The following TMEM106B variants were observed in gnomAD, a reference collection of about 807,000 sequenced individuals.
TMEM106B encodes transmembrane protein 106B.
TMEM106B carries 15 observed loss-of-function variants against 31.1 expected under a neutral mutation model. That is an observed-to-expected ratio of 0.48 (90% confidence interval 0.32 to 0.74). The LOEUF (loss-of-function observed/expected upper bound fraction) is 0.74, where lower values mean the gene tolerates loss of function less well. TMEM106B is among the 30% of genes least tolerant of loss of function. The pLI is 0.03. For synonymous variants in TMEM106B, 126 were observed against 112.5 expected (o/e 1.12, Z -0.76); for missense variants, 283 against 327.3 (o/e 0.86, Z 1.04).
chr7:12,215,390 T>C (rs1450831082), intron 2 of TMEM106B, among the ~76,000 whole-genome samples: 2 of 151,362 alleles, frequency 1.3e-5, no homozygotes, highest in Non-Finnish European at 1.5e-5. Context: ...ATTTAAGTAA[T>C]TTGTTGACCT....
chr7:12,217,218 A>G (rs151043717), intron 2 of TMEM106B, among the ~76,000 whole-genome samples: 24 of 152,290 alleles, frequency 1.6e-4, no homozygotes, highest in African/African-American at 5.5e-4. Context: ...GTAAGTTATA[A>G]GCACAGGTGG....
At chr7:12,214,559 G>A (rs541016309) in intron 1 of TMEM106B, among the ~76,000 whole-genome samples, 7 of 152,302 alleles carry the variant, frequency 4.6e-5, no homozygotes, top group African/African-American at 1.4e-4. Flanking sequence ...GCCTCTGCCT[G>A]TAATTTCTGT....
chr7:12,224,145 G>A, intron 3 of TMEM106B, 81 bp from the exon 4 acceptor site: 2 of 1,312,802 alleles, frequency 1.5e-6, no homozygotes, highest in South Asian at 1.3e-5. Context: ...ATATATGGGG[G>A]AAATTGAACA....
At chr7:12,225,508 C>A (rs1781883082) in intron 4 of TMEM106B, among the ~76,000 whole-genome samples, 1 of 152,222 alleles carries the variant, frequency 6.6e-6, no homozygotes, top group African/African-American at 2.4e-5. Flanking sequence ...GTTCCTATTT[C>A]TCCACATCCT....
chr7:12,235,534 A>G lies in TMEM106B; in HGVS notation c.*3559A>G, dbSNP rs1249271223. The stretch of plus-strand genomic sequence containing the variant: ...TGTTCAAATAGGTAGGAGACCATCA[A>G]AAACACAATTAAAGTAACATATTAG... On this transcript the variant is annotated 3_prime_UTR_variant, in exon 8 of 8. Coordinates refer to ENST00000396668, the MANE Select transcript of TMEM106B (RefSeq NM_001134232.2). 32 of 151,866 alleles carry G rather than the reference A, an allele frequency of 2.1e-4. No homozygotes were observed. Among genetic ancestry groups the G allele is most frequent in the Admixed American group, 2.1e-3 (32 of 15,234 alleles). 9.4% of individuals were successfully genotyped at this position (151,866 alleles called of 1,614,324 possible). A position where few individuals can be genotyped will look rare whatever the true frequency, so the allele number is the denominator to read the frequency against.
At chr7:12,227,454 T>C (rs1225706299) in intron 4 of TMEM106B, among the ~76,000 whole-genome samples, 1 of 152,062 alleles carries the variant, frequency 6.6e-6, no homozygotes, top group East Asian at 1.9e-4. Flanking sequence ...ATCATTCTCA[T>C]GTGTAAAGGA....
chr7:12,225,917 A>G (rs1175231819), intron 4 of TMEM106B, among the ~76,000 whole-genome samples: 3 of 152,194 alleles, frequency 2.0e-5, no homozygotes, highest in Non-Finnish European at 4.4e-5. Context: ...TGTTTTAGTC[A>G]TGAAGTCCTT....
chr7:12,230,471 CAAAT>C, intron 6 of TMEM106B, 33 bp downstream of exon 6: 1 of 1,358,690 alleles, frequency 7.4e-7, no homozygotes, highest in Non-Finnish European at 1.0e-6. Context: ...TTTTTATTGT[CAAAT>C]AATGAAGTGT....
intron 6 of TMEM106B, 61 bp downstream of exon 6, chr7:12,230,499 T>A (rs991642361): frequency 8.0e-6 from 9 of 1,131,788 alleles, no homozygotes; most frequent in Non-Finnish European, 1.2e-5. Flanking sequence ...AAATAAAGTA[T>A]AAAGAGTATA....
chr7:12,231,031 G>C, intron 6 of TMEM106B, 31 bp from the exon 7 acceptor site: 2 of 1,479,564 alleles, frequency 1.4e-6, no homozygotes, highest in South Asian at 2.5e-5. Context: ...GTAGTAACTT[G>C]CATTTGTTCA....
chr7:12,215,656 G>A (rs549269159), intron 2 of TMEM106B: 9 of 377,684 alleles, frequency 2.4e-5, no homozygotes, highest in Non-Finnish European at 4.6e-5. Context: ...GGGCTCAAGC[G>A]ATCATCCAGC....
intron 2 of TMEM106B, among the ~76,000 whole-genome samples, 195 bp from the exon 3 acceptor site, chr7:12,218,263 G>A (rs1335445320): frequency 7.1e-6 from 1 of 141,684 alleles, no homozygotes; most frequent in African/African-American, 2.6e-5. Flanking sequence ...TTTTTAGCTA[G>A]ACATTTACGT....
At position 12,215,042 on chromosome 7, in the gene TMEM106B, A is replaced by G. The variant is rs775934386; in HGVS notation, c.217+15A>G. On this transcript the variant is annotated intron_variant, in intron 2 of 7. Transcript: ENST00000396668. ...AATTCCTAGGGGTATGTGTTATTGT[A>G]TTGTTTTCCCTTTAAATGATTTTAG... 5.0e-6 allele frequency: 8 copies of G among 1,596,928 alleles called. No homozygotes were observed. The highest frequency in any genetic ancestry group is 6.8e-6 in the Non-Finnish European group (8 of 1,170,650).
At chr7:12,218,159 G>T (rs1193601270) in intron 2 of TMEM106B, among the ~76,000 whole-genome samples, 1 of 151,944 alleles carries the variant, frequency 6.6e-6, no homozygotes, top group African/African-American at 2.4e-5. Flanking sequence ...CTGAAGGAAG[G>T]CCTGGTAAAT....
At chr7:12,225,280 C>T (rs1386849761) in intron 4 of TMEM106B, among the ~76,000 whole-genome samples, 5 of 152,066 alleles carry the variant, frequency 3.3e-5, no homozygotes, top group Non-Finnish European at 7.4e-5. Context: ...ATGGACATTT[C>T]GGTTGTTTCC....
intron 6 of TMEM106B, 22 bp downstream of exon 6, chr7:12,230,460 CTTT>C (rs1307837400): frequency 6.9e-7 from 1 of 1,445,894 alleles, no homozygotes; most frequent in South Asian, 1.2e-5. Flanking sequence ...TTTATAATAA[CTTT>C]TTATTGTCAA....
In TMEM106B at chr7:12,229,785, A is replaced by G; in HGVS notation, c.548A>G (p.Asn183Ser). 3 of 1,611,052 alleles carry G rather than the reference A, an allele frequency of 1.9e-6. No individual in the cohort carries two copies. Among genetic ancestry groups the G allele is most frequent in the Non-Finnish European group, 2.5e-6 (3 of 1,179,082 alleles). ...GTTATTGGAAAGGCACGCTTAAACAACATAACCATTATTGGTCCACTTGAT... is the reference window on the plus strand; with the variant it reads ...GTTATTGGAAAGGCACGCTTAAACAGCATAACCATTATTGGTCCACTTGAT... ...KTVIGKARLN[N>S]ITIIGPLDMK... Residue 183 changes from asparagine (N) to serine (S), a missense_variant, in exon 5 of 8, where the codon AAC becomes AGC. Asn to Ser is a conservative substitution (Grantham distance 46). This residue lies in a region of TMEM106B where 201 missense variants were observed against 211.5 expected (regional missense o/e 0.95). Coordinates refer to ENST00000396668, the MANE Select transcript of TMEM106B (RefSeq NM_001134232.2).
intron 7 of TMEM106B, 183 bp downstream of exon 7, chr7:12,231,298 T>C: frequency 2.0e-6 from 1 of 511,340 alleles, no homozygotes; most frequent in African/African-American, 2.0e-5. Context: ...AGAGAAGTAG[T>C]GAAAGACTAC....
chr7:12,213,827 A>C (rs552383251), intron 1 of TMEM106B, among the ~76,000 whole-genome samples: 2 of 152,282 alleles, frequency 1.3e-5, no homozygotes, highest in Admixed American at 1.3e-4. Flanking sequence ...TAAAATTCTG[A>C]GCCCCCCAAC....
Sources: gnomAD v4.1 joint callset for allele counts (sites outside exome capture counted in the v4.1 genomes callset) on GRCh38, gnomAD v4.1.1 for gene constraint, gnomAD v4.1.1 regional missense constraint, MANE v1.5 for transcripts, NCBI Gene and HGNC (gene_info 2026-07-23, HGNC 2026-07-21) for gene names.